RHOBTB3: variants seen among roughly 807,000 people sequenced by gnomAD.
RHOBTB3 encodes the protein Rho related BTB domain containing 3, also known as rho-related BTB domain-containing protein 3.
Under a neutral mutation model 67.2 loss-of-function variants are expected in RHOBTB3, and 47 were observed. The ratio of observed to expected loss-of-function variants is 0.70; its 90% CI spans 0.55 to 0.89. The LOEUF (loss-of-function observed/expected upper bound fraction) is 0.89. Ranked by LOEUF, RHOBTB3 falls within the 40% of genes least tolerant of loss-of-function variation. RHOBTB3 has a pLI of 0.00. For missense variants in RHOBTB3, 631 were observed against 750.0 expected, an observed-to-expected ratio of 0.84 and a Z score of 1.85; for synonymous variants, 273 against 274.2, an observed-to-expected ratio of 1.00 and a Z score of 0.04.
At chr5:95,771,289 A>G (rs1354697256) in intron 8 of RHOBTB3, among the ~76,000 whole-genome samples, 1 of 152,278 alleles carries the variant, frequency 6.6e-6, no homozygotes, top group Non-Finnish European at 1.5e-5. Flanking sequence ...ACTAAAAGGA[A>G]GATATAATCT....
At chr5:95,770,264 G>T in intron 8 of RHOBTB3, 1 of 300,692 alleles carries the variant, frequency 3.3e-6, no homozygotes. Flanking sequence ...AAGAAAGACA[G>T]AGTTACAGAT....
intron 8 of RHOBTB3, among the ~76,000 whole-genome samples, chr5:95,776,048 A>G (rs1270777422): frequency 6.6e-6 from 1 of 152,218 alleles, no homozygotes; most frequent in African/African-American, 2.4e-5. Flanking sequence ...CTTTGATATT[A>G]TCAATACAAA....
At chr5:95,773,221 C>T (rs1251423564) in intron 8 of RHOBTB3, among the ~76,000 whole-genome samples, 1 of 152,224 alleles carries the variant, frequency 6.6e-6, no homozygotes, top group African/African-American at 2.4e-5. Flanking sequence ...ACTGTAGGCA[C>T]CTGCTCCCCT....
At chr5:95,736,095 C>T (rs1414428482) in intron 2 of RHOBTB3, among the ~76,000 whole-genome samples, 1 of 152,140 alleles carries the variant, frequency 6.6e-6, no homozygotes, top group Non-Finnish European at 1.5e-5. Context: ...GAAAAAAAAT[C>T]AAAACATTAT....
Position 95,780,059 on chromosome 5 carries a change from C to T in RHOBTB3, c.1283-193C>T. ...TGCAAATTGTTGGTTTCAAGGTCAA[C>T]ATCTGAACTTTCTTTATTGCTCCCT... On this transcript the variant is annotated intron_variant, in intron 8 of 11. Coordinates refer to ENST00000379982, the MANE Select transcript of RHOBTB3 (RefSeq NM_014899.4). 8.2e-6 allele frequency: 4 copies of T among 488,844 alleles called. No homozygotes were observed. The South Asian group carries it at 1.8e-4, about 22-fold the overall frequency. The allele number at this position is 488,844 out of a possible 1,614,324, so 30.3% of individuals were successfully genotyped here. A position where few individuals can be genotyped will look rare whatever the true frequency, so the allele number is the denominator to read the frequency against.
chr5:95,744,330 T>G (rs780926141), intron 3 of RHOBTB3, among the ~76,000 whole-genome samples: 10 of 152,158 alleles, frequency 6.6e-5, no homozygotes, highest in Non-Finnish European at 1.2e-4. Flanking sequence ...CCTTCCGTAA[T>G]CCCCCCAGAC....
chr5:95,719,852 T>A (rs538663230), intron 1 of RHOBTB3: 1 of 152,294 alleles, frequency 6.6e-6, no homozygotes, highest in South Asian at 2.1e-4. Context: ...GGAAATGATA[T>A]CTCTCTGTGA....
chr5:95,767,338 C>G (rs567691010), intron 7 of RHOBTB3, among the ~76,000 whole-genome samples: 2 of 118,082 alleles, frequency 1.7e-5, no homozygotes, highest in South Asian at 4.7e-4. Flanking sequence ...TTGTATTTTT[C>G]TTTCTTTTTT....
At chr5:95,784,362 G>A (rs982721901) in intron 10 of RHOBTB3, among the ~76,000 whole-genome samples, 4 of 152,160 alleles carry the variant, frequency 2.6e-5, no homozygotes, top group African/African-American at 4.8e-5. Flanking sequence ...TGATAGCGAT[G>A]GTTAAGCTAA....
At chr5:95,722,798 G>A (rs942577125) in intron 1 of RHOBTB3, among the ~76,000 whole-genome samples, 4 of 152,122 alleles carry the variant, frequency 2.6e-5, no homozygotes, top group African/African-American at 4.8e-5. Flanking sequence ...GAGTCTTATC[G>A]CTTTTCAAGA....
chr5:95,752,558 A>G, intron 5 of RHOBTB3, among the ~76,000 whole-genome samples: 1 of 152,216 alleles, frequency 6.6e-6, no homozygotes, highest in East Asian at 1.9e-4. Flanking sequence ...TCACATTTTG[A>G]GAAATACTGC....
At chr5:95,741,156 G>A (rs1026062939) in intron 3 of RHOBTB3, among the ~76,000 whole-genome samples, 3 of 151,810 alleles carry the variant, frequency 2.0e-5, no homozygotes, top group Non-Finnish European at 4.4e-5. Context: ...GTGAAACCCG[G>A]TCTCTACTAA....
At chr5:95,775,090 C>T (rs973565076) in intron 8 of RHOBTB3, among the ~76,000 whole-genome samples, 2 of 151,974 alleles carry the variant, frequency 1.3e-5, no homozygotes, top group African/African-American at 4.8e-5. Context: ...GGTTAGTGCA[C>T]CTAGAAAAAT....
At chr5:95,759,246 C>A (rs1447399476) in intron 6 of RHOBTB3, among the ~76,000 whole-genome samples, 1 of 152,248 alleles carries the variant, frequency 6.6e-6, no homozygotes, top group African/African-American at 2.4e-5. Flanking sequence ...ACGGCCAAAG[C>A]CGGAGGTGCT....
In RHOBTB3 at chr5:95,783,207, C is replaced by T. The variant is rs570405149; in HGVS notation, c.1457-590C>T. The stretch of plus-strand genomic sequence containing the variant: ...CATGATCTCCGCTCACTGCAACCTT[C>T]GCCTCCCAGGTTTTAGTGATTTTCC... On this transcript the variant is annotated intron_variant, in intron 9 of 11. Coordinates refer to ENST00000379982, the MANE Select transcript of RHOBTB3 (RefSeq NM_014899.4). Among the ~76,000 whole-genome samples, 244 of 151,864 alleles carry T rather than the reference C, an allele frequency of 1.6e-3. 1 individual carries two copies. Among genetic ancestry groups the T allele is most frequent in the African/African-American group, 5.6e-3 (232 of 41,438 alleles).
chr5:95,778,035 A>G (rs1181952763), intron 8 of RHOBTB3, among the ~76,000 whole-genome samples: 1 of 151,832 alleles, frequency 6.6e-6, no homozygotes, highest in Non-Finnish European at 1.5e-5. Context: ...CACGAGAATC[A>G]TTTGAACCTG....
Position 95,793,118 on chromosome 5 carries a change from C to T in RHOBTB3, c.1780C>T (p.Leu594Phe). Residue 594 changes from leucine to phenylalanine, a missense_variant, in exon 12 of 12, where the codon CTT becomes TTT. Physicochemically the swap from Leu to Phe is conservative, Grantham distance 22. Transcript: ENST00000379982. ...RWPSNMYLKQ[L>F]AEYRKYIHSR... ...GCCGTCGAATATGTACTTGAAGCAG[C>T]TTGCGGAATACAGGAAGTATATTCA... is the stretch of plus-strand genomic sequence containing the variant. 1 of 1,613,490 alleles carries T rather than the reference C, an allele frequency of 6.2e-7. No homozygotes were observed.
At chr5:95,762,652 T>A (rs1745426566) in intron 6 of RHOBTB3, among the ~76,000 whole-genome samples, 1 of 152,176 alleles carries the variant, frequency 6.6e-6, no homozygotes, top group Non-Finnish European at 1.5e-5. Flanking sequence ...AATCATAGGA[T>A]GGATGCGTGT....
intron 8 of RHOBTB3, among the ~76,000 whole-genome samples, chr5:95,778,967 C>G (rs547096411): frequency 6.6e-6 from 1 of 152,326 alleles, no homozygotes; most frequent in South Asian, 2.1e-4. Context: ...GCAGTAGGCT[C>G]AGAGCTGGCA....
Sources: gnomAD v4.1 joint callset for allele counts (sites outside exome capture counted in the v4.1 genomes callset) on GRCh38, gnomAD v4.1.1 for gene constraint, MANE v1.5 for transcripts, NCBI Gene and HGNC (gene_info 2026-07-23, HGNC 2026-07-21) for gene names.